Variants in CIZ1 observed in about 807,000 individuals in gnomAD.
CIZ1 encodes CDKN1A interacting zinc finger protein 1, also known as cip1-interacting zinc finger protein.
CIZ1 carries 58 observed loss-of-function variants against 118.6 expected under a neutral mutation model. That is an observed-to-expected ratio of 0.49 (90% CI 0.40 to 0.61). The LOEUF (loss-of-function observed/expected upper bound fraction) is 0.61, where lower values mean the gene tolerates loss of function less well. CIZ1 is among the 20% of genes least tolerant of loss of function. The pLI, the probability that CIZ1 is intolerant of heterozygous loss-of-function variation, is 0.00. For missense variants in CIZ1, 921 were observed against 1,115.9 expected (o/e 0.83, Z 2.49); for synonymous variants, 448 against 443.4 (o/e 1.01, Z -0.13).
Position 128,166,640 on chromosome 9 carries a change from G to A in CIZ1, c.2487+119C>T, listed in dbSNP as rs2130890310. The stretch of plus-strand genomic sequence containing the variant: ...TCTAATTCTCTCCCTGTTGGTGCAG[G>A]GGTGGTGCCTGGGGATTGAGGCCCT... On this transcript the variant is annotated intron_variant, in intron 16 of 16. Transcript: ENST00000372938. The surrounding 1 kb of genome is among the most constrained non-coding windows in gnomAD (Gnocchi z 4.4). The A allele has an allele frequency of 2.3e-6, 3 of 1,311,822 alleles. No homozygotes were observed. The highest frequency in any genetic ancestry group is 1.3e-5 in the South Asian group (1 of 78,136). 81.3% of individuals were successfully genotyped at this position (1,311,822 alleles called of 1,614,324 possible).
chr9:128,182,209 C>T (rs1015972236), intron 5 of CIZ1, among the ~76,000 whole-genome samples: 5 of 152,156 alleles, frequency 3.3e-5, no homozygotes, highest in African/African-American at 1.2e-4. Context: ...CATTCGGGGC[C>T]ACTACCAGTC....
chr9:128,190,347 G>A lies in CIZ1; in HGVS notation c.268C>T (p.Leu90Phe). 1 of 1,613,532 alleles carries A rather than the reference G, an allele frequency of 6.2e-7. No homozygotes were observed. Among genetic ancestry groups the A allele is most frequent in the East Asian group, 2.2e-5 (1 of 44,880 alleles). The change falls in exon 3 of 17, where the codon CTT becomes TTT. Residue 90 changes from leucine to phenylalanine, a missense_variant. Physicochemically the swap from Leu to Phe is conservative, Grantham distance 22. Transcript: ENST00000372938. ...TCCATACCTTGCAACTGCTGTAAAA[G>A]CAAAGCTCTCTGCAGCATGGAGCCG... is the stretch of plus-strand genomic sequence containing the variant. ...LNGSMLQRAL[L>F]LQQLQGLDQF... is the part of the protein sequence containing the mutation.
chr9:128,172,479 C>T (rs920733349), intron 11 of CIZ1, among the ~76,000 whole-genome samples: 11 of 151,858 alleles, frequency 7.2e-5, no homozygotes, highest in Admixed American at 5.2e-4. Context: ...GGCAACGGAG[C>T]GAGACTCCCT....
At position 128,171,914 on chromosome 9, in the gene CIZ1, T is replaced by C. The variant is rs991150853; in HGVS notation, c.1944-1807A>G. Among the ~76,000 whole-genome samples, 10 of 151,506 alleles carry C rather than the reference T, an allele frequency of 6.6e-5. No individual in the cohort carries two copies. The South Asian group carries it at 8.3e-4, about 13-fold the overall frequency. ...TAAAACTTCTACATGTTGAAAGATATAAGAAAATTAAAAAGCAAACAAATG... is the reference window on the plus strand; with the variant it reads ...TAAAACTTCTACATGTTGAAAGATACAAGAAAATTAAAAAGCAAACAAATG... On this transcript the variant is annotated intron_variant, in intron 11 of 16. Coordinates refer to ENST00000372938, the MANE Select transcript of CIZ1 (RefSeq NM_001131016.2).
upstream of CIZ1, among the ~76,000 whole-genome samples, chr9:128,192,792 C>G (rs1238509882): frequency 6.6e-6 from 1 of 152,270 alleles, no homozygotes; most frequent in Non-Finnish European, 1.5e-5. Context: ...ATTCGCCTGC[C>G]TTGGCCTCCC....
Position 128,177,546 on chromosome 9 carries a change from C to CCAAAATACAG in CIZ1, c.1818+19_1818+20insCTGTATTTTG. ...CACGCAGGCCCCACCCCTCCCCACC[C>CCAAAATACAG]TTATCTCCTGTATCAGTACCTGCTG... On this transcript the variant is annotated intron_variant, in intron 10 of 16. Transcript: ENST00000372938. The CCAAAATACAG allele has an allele frequency of 7.4e-7, 1 of 1,353,458 alleles. No individual in the cohort carries two copies. Among genetic ancestry groups the CCAAAATACAG allele is most frequent in the Non-Finnish European group, 9.9e-7 (1 of 1,013,754 alleles). 83.8% of individuals were successfully genotyped at this position (1,353,458 alleles called of 1,614,324 possible).
chr9:128,202,285 C>G (rs1486927983), intron 1 of CIZ1, among the ~76,000 whole-genome samples: 5 of 152,200 alleles, frequency 3.3e-5, no homozygotes, highest in African/African-American at 1.2e-4. Flanking sequence ...GCCTTCCCTT[C>G]CTAGCCTCCA....
At chr9:128,191,859 C>T, upstream of CIZ1, 4 of 1,475,282 alleles carry the variant, frequency 2.7e-6, no homozygotes, top group Non-Finnish European at 3.6e-6. This position sits in a 1 kb window ranked among gnomAD's most constrained non-coding sequence, Gnocchi z 5.5. Flanking sequence ...ACCCACCTCC[C>T]TGCGGCCGCC....
Position 128,169,167 on chromosome 9 carries a change from T to C in CIZ1, c.2180A>G (p.Asp727Gly), listed in dbSNP as rs376993066. 1 of 1,614,090 alleles carries C rather than the reference T, an allele frequency of 6.2e-7. No homozygotes were observed. The highest frequency in any genetic ancestry group is 1.3e-5 in the African/African-American group (1 of 74,916). Residue 727 changes from aspartate to glycine, a missense_variant, in exon 14 of 17, where the codon GAT becomes GGT. Transcript: ENST00000372938. Reference sequence around the variant, plus strand: ...GTCCACTGTAATGAAGTGGTCCTCATCTTGGCCAGCAATTTCTTTCTCAAG... The same window carrying C: ...GTCCACTGTAATGAAGTGGTCCTCACCTTGGCCAGCAATTTCTTTCTCAAG... Reference protein sequence around the residue: ...KSLEKEIAGQDEDHFITVDAV... With the variant: ...KSLEKEIAGQGEDHFITVDAV...
At chr9:128,189,546 G>A (rs1394051763) in intron 3 of CIZ1, among the ~76,000 whole-genome samples, 9 of 152,230 alleles carry the variant, frequency 5.9e-5, no homozygotes, top group East Asian at 1.9e-4. Flanking sequence ...TTGGCTGGGC[G>A]CAGTGGCTCA....
At chr9:128,167,216 C>CCGACCTGTGTCTGGG in intron 14 of CIZ1, 52 bp from the exon 15 acceptor site, 5 of 1,418,464 alleles carry the variant, frequency 3.5e-6, no homozygotes, top group Non-Finnish European at 3.8e-6. Flanking sequence ...TGACACCTCC[C>CCGACCTGTGTCTGGG]AGACACAGGT....
At chr9:128,169,770 A>C (rs1829909607) in intron 12 of CIZ1, 1 of 1,466,780 alleles carries the variant, frequency 6.8e-7, no homozygotes, top group Non-Finnish European at 9.2e-7. Context: ...GAGAGAGGGC[A>C]GCTGCCCAAA....
intron 1 of CIZ1, chr9:128,197,564 C>T (rs1833406275): frequency 1.3e-5 from 2 of 152,252 alleles, no homozygotes; most frequent in Admixed American, 6.5e-5. Flanking sequence ...AGGGAATAGC[C>T]GAATGGGCAC....
intron 1 of CIZ1, among the ~76,000 whole-genome samples, chr9:128,200,697 C>A (rs921004032): frequency 6.6e-6 from 1 of 151,210 alleles, no homozygotes; most frequent in African/African-American, 2.4e-5. Flanking sequence ...ATTAGCTGGG[C>A]GTGGTGGTGC....
intron 13 of CIZ1, 59 bp from the exon 14 acceptor site, chr9:128,169,260 CT>C: frequency 1.3e-6 from 2 of 1,498,268 alleles, no homozygotes. Flanking sequence ...GGGCCATGCC[CT>C]ACCCACCCCA....
At position 128,178,992 on chromosome 9, in the gene CIZ1, T is replaced by C; in HGVS notation, c.1215A>G (p.Pro405=). Residue 405 remains proline, a synonymous_variant, in exon 8 of 17, where the codon CCA becomes CCG. Transcript: ENST00000372938. ...GTGAATGTGCCTGGGGCTGCACCTG[T>C]GGCTGCACCTGCTTCAGCGGCTCTG... ...QEAEPLKQVQ[P]QVQPQAHSQP... The C allele has an allele frequency of 6.2e-7, 1 of 1,612,974 alleles. No individual in the cohort carries two copies. Among genetic ancestry groups the C allele is most frequent in the Non-Finnish European group, 8.5e-7 (1 of 1,179,826 alleles).
At chr9:128,175,069 C>T (rs1335523935) in intron 11 of CIZ1, among the ~76,000 whole-genome samples, 2 of 152,186 alleles carry the variant, frequency 1.3e-5, no homozygotes, top group African/African-American at 4.8e-5. Context: ...TTGTTAACAG[C>T]TTGTGCTACG....
chr9:128,191,760 A>G, upstream of CIZ1: 1 of 1,401,552 alleles, frequency 7.1e-7, no homozygotes, highest in East Asian at 2.9e-5. This position sits in a 1 kb window ranked among gnomAD's most constrained non-coding sequence, Gnocchi z 5.5. Context: ...CGCATCGCGA[A>G]GGGGAGGCTC....
intron 11 of CIZ1, 119 bp from the exon 12 acceptor site, chr9:128,170,226 CT>C (rs1829968451): frequency 1.2e-6 from 1 of 857,632 alleles, no homozygotes; most frequent in Non-Finnish European, 1.9e-6. Context: ...CTTAGGGAAG[CT>C]TAACAAAATG....
Sources: gnomAD v4.1 joint callset for allele counts (sites outside exome capture counted in the v4.1 genomes callset) on GRCh38, gnomAD v4.1.1 for gene constraint, Gnocchi (gnomAD v3.1) non-coding constraint, MANE v1.5 for transcripts, NCBI Gene and HGNC (gene_info 2026-07-23, HGNC 2026-07-21) for gene names.